Variants in KATNAL2 observed in about 807,000 individuals in gnomAD.
The protein encoded by KATNAL2 is katanin catalytic subunit A1 like 2, also known as katanin p60 ATPase-containing subunit A-like 2.
A neutral mutation model predicts 76.3 loss-of-function variants in KATNAL2; 52 were observed. That is an observed-to-expected ratio of 0.68 (90% CI 0.55 to 0.86). The LOEUF (loss-of-function observed/expected upper bound fraction) is 0.86, where lower values mean the gene tolerates loss of function less well. Ranked by LOEUF, KATNAL2 falls within the 40% of genes least tolerant of loss-of-function variation. The probability of loss-of-function intolerance (pLI) is 0.00; values close to 1 mark genes in which losing one functional copy is unlikely to be tolerated. For missense variants in KATNAL2, 660 were observed against 668.9 expected (o/e 0.99, Z 0.15); for synonymous variants, 243 against 244.2 (o/e 1.00, Z 0.05).
intron 1 of KATNAL2, among the ~76,000 whole-genome samples, chr18:46,941,316 G>A (rs998194086): frequency 6.6e-6 from 1 of 152,002 alleles, no homozygotes; most frequent in Non-Finnish European, 1.5e-5. Flanking sequence ...GCCAACCTGG[G>A]CAACAAAGCC....
intron 15 of KATNAL2, among the ~76,000 whole-genome samples, chr18:47,088,025 C>CT (rs2062848892): frequency 6.6e-6 from 1 of 152,160 alleles, no homozygotes; most frequent in African/African-American, 2.4e-5. Flanking sequence ...ACTCAGTGCC[C>CT]TGCTGGGCTC....
chr18:46,938,444 C>A (rs1235318260), intron 1 of KATNAL2, among the ~76,000 whole-genome samples: 1 of 152,048 alleles, frequency 6.6e-6, no homozygotes, highest in African/African-American at 2.4e-5. Context: ...GCAAATATGG[C>A]AAAATGTTAG....
intron 3 of KATNAL2, among the ~76,000 whole-genome samples, chr18:46,957,553 CTTTTTTTT>C (rs67089810): frequency 9.9e-5 from 6 of 60,528 alleles, no homozygotes; most frequent in African/African-American, 1.3e-4. Flanking sequence ...CGCGCCTGGC[CTTTTTTTT>C]TTTTTTTTTT....
chr18:47,033,767 C>A lies in KATNAL2; in HGVS notation c.52-12690C>A, dbSNP rs1177902184. The A allele has an allele frequency of 1.9e-6, 3 of 1,614,128 alleles. No homozygotes were observed. In the East Asian group the frequency reaches 6.7e-5, roughly 36 times the overall value. ...ACTCTGCGTCCAGGGAAAGCAGCTTCCTCCCGGAACTTTGGTGAAGAGAGT... is the reference window on the plus strand; with the variant it reads ...ACTCTGCGTCCAGGGAAAGCAGCTTACTCCCGGAACTTTGGTGAAGAGAGT... On this transcript the variant is annotated intron_variant, in intron 3 of 17. Transcript: ENST00000683218.
intron 8 of KATNAL2, among the ~76,000 whole-genome samples, chr18:47,060,498 T>C (rs1822622356): frequency 6.6e-6 from 1 of 152,210 alleles, no homozygotes; most frequent in Non-Finnish European, 1.5e-5. Context: ...AATAATGTCT[T>C]AAGCAGAAAA....
intron 17 of KATNAL2, 68 bp downstream of exon 17, chr18:47,100,424 A>T (rs1599903594): frequency 7.6e-7 from 1 of 1,315,444 alleles, no homozygotes; most frequent in East Asian, 2.4e-5. Flanking sequence ...CAGCAGATGG[A>T]GCCTGGCGCC....
At chr18:47,062,903 G>A (rs2061679383) in intron 8 of KATNAL2, 69 bp from the exon 9 acceptor site, 5 of 1,280,970 alleles carry the variant, frequency 3.9e-6, no homozygotes, top group Non-Finnish European at 4.5e-6. Flanking sequence ...TTGGTTTAAT[G>A]AAACTGAGTT....
intron 3 of KATNAL2, among the ~76,000 whole-genome samples, chr18:47,044,124 T>A (rs1160805632): frequency 6.6e-6 from 1 of 152,172 alleles, no homozygotes; most frequent in Non-Finnish European, 1.5e-5. Context: ...TCCAAACTTT[T>A]GTGTTCCCTG....
At chr18:46,935,691 G>A (rs2059067989) in intron 1 of KATNAL2, among the ~76,000 whole-genome samples, 1 of 152,182 alleles carries the variant, frequency 6.6e-6, no homozygotes, top group Non-Finnish European at 1.5e-5. Flanking sequence ...GGTGAGGTAG[G>A]CGGATCGCAA....
chr18:47,069,708 G>A (rs2061929990), intron 13 of KATNAL2, 108 bp downstream of exon 13: 1 of 688,874 alleles, frequency 1.5e-6, no homozygotes, highest in Admixed American at 2.6e-5. Context: ...GAGATCTCAA[G>A]ATCCACTCCT....
At chr18:47,031,276 C>T (rs966404365) in intron 3 of KATNAL2, among the ~76,000 whole-genome samples, 3 of 151,842 alleles carry the variant, frequency 2.0e-5, no homozygotes, top group East Asian at 1.9e-4. Flanking sequence ...GTTTGGGCAG[C>T]GGAGTTCCAC....
chr18:47,099,754 G>A (rs950317303), intron 16 of KATNAL2, among the ~76,000 whole-genome samples: 8 of 152,096 alleles, frequency 5.3e-5, no homozygotes, highest in Non-Finnish European at 7.3e-5. Flanking sequence ...GAGCCACAAA[G>A]AATGACTGTG....
At chr18:47,097,489 T>G (rs1027284742) in intron 15 of KATNAL2, among the ~76,000 whole-genome samples, 1 of 152,166 alleles carries the variant, frequency 6.6e-6, no homozygotes, top group African/African-American at 2.4e-5. Context: ...CTTTTAGAAC[T>G]TCCCTCTTAG....
At chr18:46,955,146 CTTTCTTTCTT>C (rs1569015803) in intron 3 of KATNAL2, among the ~76,000 whole-genome samples, 53 of 135,064 alleles carry the variant, frequency 3.9e-4, no homozygotes, top group African/African-American at 1.3e-3. Flanking sequence ...CTCTCTCTTT[CTTTCTTTCTT>C]TCTTTCTTTC....
chr18:46,948,246 G>T (rs1244543147), intron 3 of KATNAL2, among the ~76,000 whole-genome samples: 1 of 151,858 alleles, frequency 6.6e-6, no homozygotes, highest in African/African-American at 2.4e-5. Context: ...GAGTAGCTGG[G>T]ACTGCAGTTA....
intron 3 of KATNAL2, among the ~76,000 whole-genome samples, chr18:47,035,894 A>G (rs1251525859): frequency 1.3e-5 from 2 of 152,226 alleles, no homozygotes; most frequent in East Asian, 3.8e-4. Context: ...ATACAGGATA[A>G]CAACTCTTTG....
chr18:46,961,619 T>A (rs1211328168), intron 3 of KATNAL2, among the ~76,000 whole-genome samples: 1 of 152,232 alleles, frequency 6.6e-6, no homozygotes, highest in Non-Finnish European at 1.5e-5. Context: ...GGATTAAACC[T>A]CTGCCAAACC....
At chr18:46,949,274 A>G (rs1255277868) in intron 3 of KATNAL2, among the ~76,000 whole-genome samples, 2 of 151,568 alleles carry the variant, frequency 1.3e-5, no homozygotes, top group Non-Finnish European at 2.9e-5. Context: ...CTTTTCTTCA[A>G]CAGGGTCTTA....
chr18:47,035,529 G>T, intron 3 of KATNAL2: 1 of 692,918 alleles, frequency 1.4e-6, no homozygotes, highest in Non-Finnish European at 2.4e-6. Flanking sequence ...TCTGCAGTTT[G>T]CTGTGCAACA....
Sources: allele counts gnomAD v4.1 joint callset (sites outside exome capture counted in the v4.1 genomes callset), GRCh38; gene constraint gnomAD v4.1.1; transcripts MANE v1.5; gene names NCBI Gene and HGNC (gene_info 2026-07-23, HGNC 2026-07-21).